TRIM37: variants seen among roughly 807,000 people sequenced by gnomAD.
TRIM37 encodes E3 ubiquitin-protein ligase TRIM37.
In TRIM37, 80 loss-of-function variants were observed where a neutral mutation model predicts 129.8. The ratio of observed to expected loss-of-function variants is 0.62; its 90% CI spans 0.51 to 0.74. The LOEUF is 0.74. Among genes scored for constraint, TRIM37 ranks in the 30% least tolerant of loss-of-function variants. The probability of loss-of-function intolerance (pLI) is 0.00; values close to 1 mark genes in which losing one functional copy is unlikely to be tolerated. For missense variants in TRIM37, 1,054 were observed against 1,176.5 expected (o/e 0.90, Z 1.52); for synonymous variants, 389 against 387.1 (o/e 1.00, Z -0.06).
intron 3 of TRIM37, chr17:59,090,057 G>A (rs998582187): frequency 1.3e-5 from 2 of 151,948 alleles, no homozygotes; most frequent in East Asian, 1.9e-4. Flanking sequence ...CTGAAATCAC[G>A]CCATTGCACT....
At chr17:58,995,349 G>C (rs556187534), downstream of TRIM37, among the ~76,000 whole-genome samples, 1 of 151,602 alleles carries the variant, frequency 6.6e-6, no homozygotes, top group Non-Finnish European at 1.5e-5. Flanking sequence ...TTAGGAAGTG[G>C]TTAATTCCAT....
At chr17:59,070,481 A>G (rs1349509710) in intron 9 of TRIM37, among the ~76,000 whole-genome samples, 1 of 152,192 alleles carries the variant, frequency 6.6e-6, no homozygotes, top group African/African-American at 2.4e-5. Flanking sequence ...ATTTTCTCTT[A>G]AGAGTCAAAA....
intron 19 of TRIM37, among the ~76,000 whole-genome samples, chr17:59,025,153 T>C (rs1387914336): frequency 1.3e-5 from 2 of 152,114 alleles, no homozygotes; most frequent in Non-Finnish European, 2.9e-5. Flanking sequence ...GGATTTCATA[T>C]TGCATCATAT....
intron 6 of TRIM37, 129 bp downstream of exon 6, chr17:59,080,968 G>C: frequency 2.3e-6 from 1 of 425,694 alleles, no homozygotes; most frequent in Non-Finnish European, 3.4e-6. Context: ...TTGACTATAG[G>C]TACAGCCTAT....
At position 59,057,128 on chromosome 17, in the gene TRIM37, A is replaced by G; in HGVS notation, c.1020-74T>C. ...AAAAAACAAACTCATCTAAACATTA[A>G]GGTCACTAAGTAATTACCTGAGAAG... On this transcript the variant is annotated intron_variant, in intron 12 of 23. Coordinates refer to ENST00000262294, the MANE Select transcript of TRIM37 (RefSeq NM_015294.6). 3 of 1,302,564 alleles carry G rather than the reference A, an allele frequency of 2.3e-6. No homozygotes were observed. The South Asian group carries it at 3.7e-5, about 16-fold the overall frequency. 80.7% of individuals were successfully genotyped at this position (1,302,564 alleles called of 1,614,324 possible).
At chr17:59,005,440 C>T (rs1482818874) in intron 22 of TRIM37, among the ~76,000 whole-genome samples, 2 of 152,110 alleles carry the variant, frequency 1.3e-5, no homozygotes, top group Non-Finnish European at 2.9e-5. Flanking sequence ...TGTGCCACCA[C>T]ACCCAGCTAA....
the TRIM37 span, among the ~76,000 whole-genome samples, chr17:58,967,542 G>A: frequency 1.4e-5 from 2 of 147,938 alleles, no homozygotes; most frequent in Non-Finnish European, 3.0e-5. Flanking sequence ...AGAGAGAGAG[G>A]GAGGGAGGAC....
chr17:58,972,240 G>A, the TRIM37 span: 4 of 1,614,096 alleles, frequency 2.5e-6, no homozygotes, highest in Non-Finnish European at 3.4e-6. Flanking sequence ...GGGCCAAGCT[G>A]TTGAACTAAT....
At chr17:59,035,473 G>A (rs2038357743) in intron 17 of TRIM37, among the ~76,000 whole-genome samples, 1 of 152,020 alleles carries the variant, frequency 6.6e-6, no homozygotes, top group Admixed American at 6.6e-5. Context: ...AAGCTATACA[G>A]CCAGGCGCGG....
intron 16 of TRIM37, among the ~76,000 whole-genome samples, chr17:59,044,887 G>A (rs1172102087): frequency 6.6e-6 from 1 of 152,142 alleles, no homozygotes; most frequent in African/African-American, 2.4e-5. Context: ...AGAATCATGA[G>A]CCGAGTGTGA....
intron 13 of TRIM37, 47 bp from the exon 14 acceptor site, chr17:59,051,375 C>A (rs1418741694): frequency 1.5e-6 from 2 of 1,334,524 alleles, no homozygotes; most frequent in Non-Finnish European, 2.2e-6. Flanking sequence ...AATAGTAAAA[C>A]ATTATCAGTC....
At chr17:59,016,076 A>AT (rs533693722) in intron 20 of TRIM37, among the ~76,000 whole-genome samples, 138 of 152,242 alleles carry the variant, frequency 9.1e-4, no homozygotes, top group African/African-American at 3.2e-3. Flanking sequence ...CTCACTATAT[A>AT]TATCATTTTA....
intron 24 of TRIM37, among the ~76,000 whole-genome samples, chr17:58,990,178 CAAAAAAAAA>C (rs35076409): frequency 3.9e-5 from 1 of 25,596 alleles, no homozygotes; most frequent in Non-Finnish European, 6.4e-5. Context: ...GACCTTGTCT[CAAAAAAAAA>C]AAAAAAAAAA....
At chr17:58,982,864 T>G (rs1204736973) in exon 25 of TRIM37, 3 of 1,546,644 alleles carry the variant, frequency 1.9e-6, no homozygotes, top group Non-Finnish European at 2.6e-6. Context: ...TCTGTCACCT[T>G]CTGAAGCCTA....
intron 22 of TRIM37, among the ~76,000 whole-genome samples, chr17:59,010,055 A>C (rs2035063935): frequency 6.6e-6 from 1 of 152,098 alleles, no homozygotes; most frequent in Non-Finnish European, 1.5e-5. Context: ...CCGCCCTCCT[A>C]CCAATACCAC....
chr17:58,972,021 T>C, the TRIM37 span: 3,258 of 1,010,250 alleles, frequency 3.2e-3, 14 homozygotes, highest in South Asian at 7.6e-3. Context: ...TGAAATTCCA[T>C]TATTAATAGT....
At chr17:59,000,895 C>A (rs1032672873) in intron 23 of TRIM37, among the ~76,000 whole-genome samples, 2 of 151,986 alleles carry the variant, frequency 1.3e-5, no homozygotes, top group African/African-American at 4.8e-5. Flanking sequence ...AATGGACTCT[C>A]TTGAAAATTC....
the TRIM37 span, among the ~76,000 whole-genome samples, chr17:58,973,401 T>C: frequency 7.1e-6 from 1 of 139,960 alleles, no homozygotes; most frequent in Non-Finnish European, 1.5e-5. Context: ...TGGGTGACAG[T>C]GTGAGACTGT....
Position 59,042,443 on chromosome 17 carries a change from AAAAAAAATATATATATATAT to A in TRIM37, c.1668-565_1668-546del, listed in dbSNP as rs2039321220. Among the ~76,000 whole-genome samples, 14 of 50,212 alleles carry A rather than the reference AAAAAAAATATATATATATAT, an allele frequency of 2.8e-4. 1 individual carries two copies. The highest frequency in any genetic ancestry group is 1.2e-3 in the African/African-American group (14 of 11,666). 32.9% of individuals were successfully genotyped at this position (50,212 alleles called of 152,430 possible). On this transcript the variant is annotated intron_variant, in intron 16 of 23. Transcript: ENST00000262294. ...AAAAAAAGGAATTTAAAAAAAAAAAAAAAAAAATATATATATATATATATATATATATCTCAAGGCCGGGC... is the reference window on the plus strand; with the variant it reads ...AAAAAAAGGAATTTAAAAAAAAAAAAATATATATATATCTCAAGGCCGGGC...
Sources: allele counts gnomAD v4.1 joint callset (sites outside exome capture counted in the v4.1 genomes callset), GRCh38; gene constraint gnomAD v4.1.1; transcripts MANE v1.5; gene names NCBI Gene and HGNC (gene_info 2026-07-23, HGNC 2026-07-21).